TMEM30A: variants seen among roughly 807,000 people sequenced by gnomAD.
The protein encoded by TMEM30A is cell cycle control protein 50A.
TMEM30A carries 24 observed loss-of-function variants against 38.2 expected under a neutral mutation model. That is an observed-to-expected ratio of 0.63 (90% CI 0.46 to 0.88). The LOEUF is 0.88. Among genes scored for constraint, TMEM30A ranks in the 40% least tolerant of loss-of-function variants. TMEM30A has a pLI of 0.00. For missense variants in TMEM30A, 370 were observed against 458.6 expected, an observed-to-expected ratio of 0.81 and a Z score of 1.77; for synonymous variants, 145 against 161.6, an observed-to-expected ratio of 0.90 and a Z score of 0.78.
Position 75,283,661 on chromosome 6 carries a change from A to C in TMEM30A, c.237+741T>G, listed in dbSNP as rs146392369. Among the ~76,000 whole-genome samples, 490 of 152,152 alleles carry C rather than the reference A, an allele frequency of 3.2e-3. 1 individual carries two copies. Among genetic ancestry groups the C allele is most frequent in the Middle Eastern group, 6.8e-3 (2 of 294 alleles). On this transcript the variant is annotated intron_variant, in intron 1 of 6. Coordinates refer to ENST00000230461, the MANE Select transcript of TMEM30A (RefSeq NM_018247.4). Reference sequence around the variant, plus strand: ...GTCACTGGCTCTTTTTGTAAAAAAAAAAAACAAAACAAAACAAGACAAAAC... The same window carrying C: ...GTCACTGGCTCTTTTTGTAAAAAAACAAAACAAAACAAAACAAGACAAAAC...
At chr6:75,264,467 C>G (rs891484555) in intron 3 of TMEM30A, among the ~76,000 whole-genome samples, 1 of 151,834 alleles carries the variant, frequency 6.6e-6, no homozygotes, top group Non-Finnish European at 1.5e-5. Context: ...GAAACCCCGT[C>G]TCTACTAAAA....
intron 1 of TMEM30A, among the ~76,000 whole-genome samples, chr6:75,269,985 G>A (rs545396895): frequency 9.9e-5 from 15 of 152,146 alleles, no homozygotes; most frequent in South Asian, 6.3e-4. Flanking sequence ...GAGCCACCGC[G>A]CCCGGCCCCA....
In TMEM30A at chr6:75,284,651, C is replaced by T. The variant is rs1012091735; in HGVS notation, c.-13G>A. Reference sequence around the variant, plus strand: ...AGTTCATCGCCATCGATCCCTGGGGCGCCGCTCCGCGATTTGCAGGTGGAC... The same window carrying T: ...AGTTCATCGCCATCGATCCCTGGGGTGCCGCTCCGCGATTTGCAGGTGGAC... On this transcript the variant is annotated 5_prime_UTR_variant, in exon 1 of 7. Coordinates refer to ENST00000230461, the MANE Select transcript of TMEM30A (RefSeq NM_018247.4). The T allele has an allele frequency of 1.2e-6, 2 of 1,610,888 alleles. No homozygotes were observed. Among genetic ancestry groups the T allele is most frequent in the Non-Finnish European group, 8.5e-7 (1 of 1,179,746 alleles).
intron 2 of TMEM30A, 79 bp from the exon 3 acceptor site, chr6:75,265,417 C>A: frequency 1.3e-6 from 1 of 744,592 alleles, no homozygotes. Context: ...ATAAAAGCTA[C>A]GTAATTTGGA....
intron 3 of TMEM30A, among the ~76,000 whole-genome samples, chr6:75,264,309 C>T (rs1772024778): frequency 1.3e-5 from 2 of 152,168 alleles, no homozygotes; most frequent in African/African-American, 4.8e-5. Context: ...TGCTCTGGGC[C>T]TCTGAATGTT....
At chr6:75,273,484 T>C (rs1382886075) in intron 1 of TMEM30A, among the ~76,000 whole-genome samples, 1 of 140,034 alleles carries the variant, frequency 7.1e-6, no homozygotes, top group African/African-American at 2.6e-5. Context: ...ATATTTTTAT[T>C]AAAAAAAAAA....
rs747443904 is a variant in TMEM30A at position 75,284,582 on chromosome 6, C to CG, written c.56dup (p.Thr22HisfsTer9). The CG allele has an allele frequency of 6.2e-7, 1 of 1,613,502 alleles. No individual in the cohort carries two copies. Among genetic ancestry groups the CG allele is most frequent in the Non-Finnish European group, 8.5e-7 (1 of 1,179,846 alleles). ...GTCTCCGAGTCTTCGCGGTGCCCCC[C>CG]GGAGCACACGGGGGCCCACCGTCCA... On this transcript the variant is annotated frameshift_variant, in exon 1 of 7. Coordinates refer to ENST00000230461, the MANE Select transcript of TMEM30A (RefSeq NM_018247.4). LOFTEE classifies it high-confidence loss of function.
chr6:75,276,658 GC>G (rs1772265372), intron 1 of TMEM30A, among the ~76,000 whole-genome samples: 1 of 152,090 alleles, frequency 6.6e-6, no homozygotes, highest in Admixed American at 6.6e-5. Context: ...TATTTACCAG[GC>G]AATATTCTCC....
rs1424808926 is a variant in TMEM30A at position 75,258,649 on chromosome 6, C to A, written c.892+131G>T. The stretch of plus-strand genomic sequence containing the variant: ...ATTTAAAAATACATTCTCACATATA[C>A]CACACATACTTTTGTAAAAATGCAG... On this transcript the variant is annotated intron_variant, in intron 6 of 6. Transcript: ENST00000230461. 8.4e-6 allele frequency: 6 copies of A among 716,292 alleles called. No homozygotes were observed. In the South Asian group the frequency reaches 9.3e-5, roughly 11 times the overall value. 44.4% of individuals were successfully genotyped at this position (716,292 alleles called of 1,614,324 possible). A position where few individuals can be genotyped will look rare whatever the true frequency, so the allele number is the denominator to read the frequency against.
At position 75,261,074 on chromosome 6, in the gene TMEM30A, A is replaced by G. The variant is rs45495791; in HGVS notation, c.454-163T>C. Among the ~76,000 whole-genome samples, 619 of 152,378 alleles carry G rather than the reference A, an allele frequency of 4.1e-3. 1 individual carries two copies. The highest frequency in any genetic ancestry group is 7.0e-3 in the Non-Finnish European group (478 of 68,038). The stretch of plus-strand genomic sequence containing the variant: ...AGGCTATAGATAACACCACATTTAA[A>G]TATTCAAAATGTATTCTGAACATTA... On this transcript the variant is annotated intron_variant, in intron 3 of 6. Coordinates refer to ENST00000230461, the MANE Select transcript of TMEM30A (RefSeq NM_018247.4).
chr6:75,274,997 C>T (rs373027888), intron 1 of TMEM30A, among the ~76,000 whole-genome samples: 73 of 123,560 alleles, frequency 5.9e-4, no homozygotes, highest in African/African-American at 2.1e-3. Context: ...GGTGACAGAT[C>T]GAGACTCTGT....
chr6:75,263,622 T>C (rs1459545252), intron 3 of TMEM30A, among the ~76,000 whole-genome samples: 2 of 152,062 alleles, frequency 1.3e-5, no homozygotes, highest in East Asian at 3.9e-4. Flanking sequence ...TCTAAGCAAA[T>C]AAAATGCTAA....
chr6:75,262,257 G>A (rs1771978277), intron 3 of TMEM30A, among the ~76,000 whole-genome samples: 1 of 152,106 alleles, frequency 6.6e-6, no homozygotes, highest in Non-Finnish European at 1.5e-5. Flanking sequence ...TGAGGTGGGT[G>A]GTTTGCTTGA....
chr6:75,261,186 T>C (rs909751391), intron 3 of TMEM30A, among the ~76,000 whole-genome samples: 2 of 152,220 alleles, frequency 1.3e-5, no homozygotes, highest in African/African-American at 2.4e-5. Context: ...GATTTTCTTA[T>C]CACAGAAACA....
At chr6:75,262,183 C>A (rs1224968163) in intron 3 of TMEM30A, among the ~76,000 whole-genome samples, 1 of 151,782 alleles carries the variant, frequency 6.6e-6, no homozygotes, top group Non-Finnish European at 1.5e-5. Context: ...CCCATCTCTA[C>A]AAAAATACAA....
rs796271774 is a variant in TMEM30A, at chr6:75,265,762, C to T, written c.346-424G>A. Reference sequence around the variant, plus strand: ...CAGAGACTAGAGTCTTGCTATGTTGCCCAGGCTGGCCCTTAATTCCTGGGC... The same window carrying T: ...CAGAGACTAGAGTCTTGCTATGTTGTCCAGGCTGGCCCTTAATTCCTGGGC... On this transcript the variant is annotated intron_variant, in intron 2 of 6. Transcript: ENST00000230461. Among the ~76,000 whole-genome samples, 3 of 152,140 alleles carry T rather than the reference C, an allele frequency of 2.0e-5. 1 individual carries two copies. The highest frequency in any genetic ancestry group is 2.0e-4 in the Admixed American group (3 of 15,278).
In TMEM30A at chr6:75,284,624, A is replaced by G. The variant is rs371567459; in HGVS notation, c.15T>C (p.Tyr5=). The G allele has an allele frequency of 2.9e-5, 46 of 1,613,308 alleles. No homozygotes were observed. The highest frequency in any genetic ancestry group is 3.8e-5 in the Non-Finnish European group (45 of 1,179,990). Residue 5 remains tyrosine (Y), a synonymous_variant, in exon 1 of 7, where the codon TAT becomes TAC. Transcript: ENST00000230461. ...CACCGTCCACTTCATCCTTCGCGTT[A>G]TAGTTCATCGCCATCGATCCCTGGG... MAMN[Y]NAKDEVDGGP...
chr6:75,278,631 A>G (rs1485794651), intron 1 of TMEM30A, among the ~76,000 whole-genome samples: 1 of 152,146 alleles, frequency 6.6e-6, no homozygotes, highest in Admixed American at 6.6e-5. Flanking sequence ...CAGAACCTCC[A>G]TGACAGCTTC....
At chr6:75,271,357 CTGAA>C (rs1772166087) in intron 1 of TMEM30A, among the ~76,000 whole-genome samples, 1 of 151,950 alleles carries the variant, frequency 6.6e-6, no homozygotes, top group Non-Finnish European at 1.5e-5. Flanking sequence ...AGAGTAATCA[CTGAA>C]TATTAAATTA....
Sources: gnomAD v4.1 joint callset for allele counts (sites outside exome capture counted in the v4.1 genomes callset) on GRCh38, gnomAD v4.1.1 for gene constraint, MANE v1.5 for transcripts, NCBI Gene and HGNC (gene_info 2026-07-23, HGNC 2026-07-21) for gene names.